GRM8: variants seen among roughly 807,000 people sequenced by gnomAD.
The protein encoded by GRM8 is metabotropic glutamate receptor 8.
In GRM8, 47 loss-of-function variants were observed where a neutral mutation model predicts 87.2. The observed-to-expected ratio is 0.54, with a 90% confidence interval of 0.43 to 0.69. GRM8 has a LOEUF of 0.69. Among genes scored for constraint, GRM8 ranks in the 30% least tolerant of loss-of-function variants. The pLI is 0.00. For synonymous variants in GRM8, 396 were observed against 404.5 expected (o/e 0.98, Z 0.25); for missense variants, 1,019 against 1,139.2 (o/e 0.89, Z 1.52).
At chr7:126,454,476 T>C (rs1181094497) in intron 9 of GRM8, among the ~76,000 whole-genome samples, 2 of 151,332 alleles carry the variant, frequency 1.3e-5, no homozygotes, top group African/African-American at 4.9e-5. Flanking sequence ...CAGGTGCTTT[T>C]GCGGAGGCAC....
intron 3 of GRM8, among the ~76,000 whole-genome samples, chr7:127,008,730 AG>A (rs1284077751): frequency 6.6e-6 from 1 of 152,100 alleles, no homozygotes; most frequent in Non-Finnish European, 1.5e-5. Flanking sequence ...TTTTAAAAAC[AG>A]CCTCTGTTCC....
chr7:127,011,969 A>C (rs1814941159), intron 3 of GRM8, among the ~76,000 whole-genome samples: 1 of 152,170 alleles, frequency 6.6e-6, no homozygotes, highest in South Asian at 2.1e-4. Flanking sequence ...AATCGACATT[A>C]ATCATTTCAT....
chr7:126,601,393 C>A lies in GRM8; in HGVS notation c.1494+7969G>T, dbSNP rs1051893131. Among the ~76,000 whole-genome samples, 132 of 152,028 alleles carry A rather than the reference C, an allele frequency of 8.7e-4. 1 individual carries two copies. The highest frequency in any genetic ancestry group is 3.8e-3 in the Admixed American group (58 of 15,260). On this transcript the variant is annotated intron_variant, in intron 8 of 10. Coordinates refer to ENST00000339582, the MANE Select transcript of GRM8 (RefSeq NM_000845.3). Reference sequence around the variant, plus strand: ...GGTGAATAATGCCGCAATAAACATACGTGTGCATGTGTCTTTATAGCAGCA... The same window carrying A: ...GGTGAATAATGCCGCAATAAACATAAGTGTGCATGTGTCTTTATAGCAGCA...
chr7:126,543,342 GT>G (rs975255185), intron 8 of GRM8, among the ~76,000 whole-genome samples: 12 of 152,196 alleles, frequency 7.9e-5, no homozygotes. Flanking sequence ...ATGTTGGCAT[GT>G]TTAAAAGAAT....
At position 126,603,084 on chromosome 7, in the gene GRM8, C is replaced by T. The variant is rs372874959; in HGVS notation, c.1494+6278G>A. ...TGGGATGCAAGGCTGGTTCAATATA[C>T]GCAAATCAATAAATGTAATCCAGCA... On this transcript the variant is annotated intron_variant, in intron 8 of 10. Transcript: ENST00000339582. Among the ~76,000 whole-genome samples, 781 of 145,332 alleles carry T rather than the reference C, an allele frequency of 5.4e-3. 7 individuals carry two copies. The highest frequency in any genetic ancestry group is 0.027 in the South Asian group (116 of 4,262).
chr7:126,857,830 T>C (rs1797816555), intron 6 of GRM8, among the ~76,000 whole-genome samples: 1 of 152,178 alleles, frequency 6.6e-6, no homozygotes, highest in Non-Finnish European at 1.5e-5. Flanking sequence ...ATGCCTGTAG[T>C]CGCAGCCACT....
At chr7:127,042,117 T>C (rs1012027964) in intron 3 of GRM8, among the ~76,000 whole-genome samples, 4 of 152,190 alleles carry the variant, frequency 2.6e-5, no homozygotes, top group East Asian at 3.9e-4. Flanking sequence ...TTACCATTCC[T>C]TCCCCCAGCT....
At chr7:126,883,135 C>A (rs1800173874) in intron 6 of GRM8, among the ~76,000 whole-genome samples, 1 of 152,100 alleles carries the variant, frequency 6.6e-6, no homozygotes, top group Non-Finnish European at 1.5e-5. Context: ...AGTATGACAA[C>A]AAAACTCGAG....
intron 3 of GRM8, chr7:126,981,690 G>A (rs1040927949): frequency 6.6e-6 from 1 of 152,154 alleles, no homozygotes; most frequent in Non-Finnish European, 1.5e-5. Flanking sequence ...AACTTTGGAG[G>A]GAAAAAATAT....
intron 9 of GRM8, among the ~76,000 whole-genome samples, chr7:126,524,765 C>T (rs1813573905): frequency 6.6e-6 from 1 of 151,988 alleles, no homozygotes; most frequent in Admixed American, 6.6e-5. Context: ...TTCTATGTTT[C>T]AGCACATCTG....
intron 6 of GRM8, among the ~76,000 whole-genome samples, chr7:126,790,368 T>C (rs1354361159): frequency 6.6e-6 from 1 of 152,160 alleles, no homozygotes; most frequent in Non-Finnish European, 1.5e-5. Flanking sequence ...TGCATAATAC[T>C]AGCATAAGTT....
intron 6 of GRM8, among the ~76,000 whole-genome samples, chr7:126,895,998 A>T (rs941087509): frequency 6.8e-6 from 1 of 147,458 alleles, no homozygotes; most frequent in Non-Finnish European, 1.5e-5. Flanking sequence ...ATATAAGTAA[A>T]TAATAAATGG....
At chr7:127,177,124 C>G (rs1387929920) in intron 2 of GRM8, among the ~76,000 whole-genome samples, 3 of 152,162 alleles carry the variant, frequency 2.0e-5, no homozygotes, top group African/African-American at 7.2e-5. Context: ...GCCTGTCACA[C>G]CCTCCGCCAG....
At chr7:126,994,640 G>T (rs1008080448) in intron 3 of GRM8, among the ~76,000 whole-genome samples, 3 of 152,146 alleles carry the variant, frequency 2.0e-5, no homozygotes, top group Admixed American at 2.0e-4. Context: ...GTGGCAACAG[G>T]GAAAGGCTTC....
chr7:126,893,611 C>T (rs1358143831), intron 6 of GRM8, among the ~76,000 whole-genome samples: 2 of 151,970 alleles, frequency 1.3e-5, no homozygotes, highest in Non-Finnish European at 2.9e-5. Flanking sequence ...TAATGCTAAG[C>T]ATATGCTAAG....
intron 3 of GRM8, among the ~76,000 whole-genome samples, chr7:126,951,054 G>A (rs1808086874): frequency 6.6e-6 from 1 of 151,974 alleles, no homozygotes; most frequent in African/African-American, 2.4e-5. Context: ...CTCCAAAATG[G>A]AGTACAATAA....
At chr7:126,974,514 C>T (rs983281812) in intron 3 of GRM8, among the ~76,000 whole-genome samples, 2 of 152,012 alleles carry the variant, frequency 1.3e-5, no homozygotes, top group African/African-American at 4.8e-5. Context: ...AAAGCACATC[C>T]AGATTTCAAA....
intron 7 of GRM8, among the ~76,000 whole-genome samples, chr7:126,656,416 C>G (rs933100945): frequency 6.6e-6 from 1 of 152,162 alleles, no homozygotes; most frequent in African/African-American, 2.4e-5. Context: ...CAGTGGCTCA[C>G]TCCTGTAAAC....
At chr7:127,166,161 A>G (rs1793439345) in intron 2 of GRM8, among the ~76,000 whole-genome samples, 1 of 152,180 alleles carries the variant, frequency 6.6e-6, no homozygotes, top group Non-Finnish European at 1.5e-5. Context: ...GCTATATAAA[A>G]TAATACAGGA....
Sources: gnomAD v4.1 joint callset for allele counts (sites outside exome capture counted in the v4.1 genomes callset) on GRCh38, gnomAD v4.1.1 for gene constraint, MANE v1.5 for transcripts, NCBI Gene and HGNC (gene_info 2026-07-23, HGNC 2026-07-21) for gene names.